MRGPRD: variants seen among roughly 807,000 people sequenced by gnomAD.
MRGPRD encodes mas-related G protein-coupled receptor member D.
For missense variants in MRGPRD, 392 were observed against 413.4 expected (o/e 0.95, Z 0.45); for synonymous variants, 185 against 183.9 (o/e 1.01, Z -0.05).
rs201878026 is a variant in MRGPRD, at chr11:68,980,533, G to A, written c.454C>T (p.Leu152Phe). ...GTCAACCCGTTCATCAGGAGACAGA[G>A]TGTCCACAGCAGGCCACACACCCAG... ...SAWVCGLLWTLCLLMNGLTSS... is the reference protein window; with the variant it reads ...SAWVCGLLWTFCLLMNGLTSS... Residue 152 changes from leucine to phenylalanine, a missense_variant, in exon 1 of 1, where the codon CTC becomes TTC. Transcript: ENST00000309106. This position sits in a 1 kb window ranked among gnomAD's most constrained non-coding sequence, Gnocchi z 4.4. The A allele has an allele frequency of 6.6e-5, 107 of 1,614,032 alleles. No homozygotes were observed. The East Asian group carries it at 2.3e-3, about 34-fold the overall frequency.
chr11:68,980,131 T>G lies in MRGPRD; in HGVS notation c.856A>C (p.Arg286=), dbSNP rs1184045612. 6.3e-7 allele frequency: 1 copy of G among 1,580,528 alleles called. No homozygotes were observed. Among genetic ancestry groups the G allele is most frequent in the Admixed American group, 2.0e-5 (1 of 50,080 alleles). The change falls in exon 1 of 1, where the codon AGG becomes CGG. Residue 286 remains arginine, a synonymous_variant. Coordinates refer to ENST00000309106, the MANE Select transcript of MRGPRD (RefSeq NM_198923.2). This position sits in a 1 kb window ranked among gnomAD's most constrained non-coding sequence, Gnocchi z 4.4. ...YFLVGSRRSH[R]LPTRSLGTVL... ...GTCCCCAGGGACCTGGTGGGCAGCC[T>G]GTGGCTCCTCCGGCTGCCCACCAGG...
In MRGPRD at chr11:68,980,150, C is replaced by A; in HGVS notation, c.837G>T (p.Val279=). Residue 279 remains valine (V), a synonymous_variant, in exon 1 of 1, where the codon GTG becomes GTT. Transcript: ENST00000309106. This position sits in a 1 kb window ranked among gnomAD's most constrained non-coding sequence, Gnocchi z 4.4. The stretch of plus-strand genomic sequence containing the variant: ...GCAGCCTGTGGCTCCTCCGGCTGCC[C>A]ACCAGGAAGTAGATGACGGGGTTGG... ...SSANPVIYFL[V]GSRRSHRLPT... The A allele has an allele frequency of 6.3e-7, 1 of 1,591,098 alleles. No individual in the cohort carries two copies. The highest frequency in any genetic ancestry group is 8.5e-7 in the Non-Finnish European group (1 of 1,172,824).
At position 68,980,957 on chromosome 11, in the gene MRGPRD, G is replaced by A. The variant is rs767375539; in HGVS notation, c.30C>T (p.Thr10=). The A allele has an allele frequency of 3.8e-6, 6 of 1,571,248 alleles. No individual in the cohort carries two copies. Among genetic ancestry groups the A allele is most frequent in the Admixed American group, 1.8e-5 (1 of 55,228 alleles). The part of the protein sequence containing the change: MNQTLNSSG[T]VESALNYSRG... ...TGGAATAGTTTAGGGCTGACTCCAC[G>A]GTCCCACTGCTATTCAAAGTCTGGT... is the stretch of plus-strand genomic sequence containing the variant. The change falls in exon 1 of 1, where the codon ACC becomes ACT. Residue 10 remains threonine, a synonymous_variant. Transcript: ENST00000309106. This position sits in a 1 kb window ranked among gnomAD's most constrained non-coding sequence, Gnocchi z 4.4.
Position 68,980,547 on chromosome 11 carries a change from C to A in MRGPRD, c.440G>T (p.Gly147Val). 1.2e-6 allele frequency: 2 copies of A among 1,613,984 alleles called. No individual in the cohort carries two copies. Among genetic ancestry groups the A allele is most frequent in the South Asian group, 2.2e-5 (2 of 91,064 alleles). ...RPRHLSAWVC[G>V]LLWTLCLLMN... is the part of the protein sequence containing the mutation. Reference sequence around the variant, plus strand: ...CAGGAGACAGAGTGTCCACAGCAGGCCACACACCCAGGCTGACAGGTGCCT... The same window carrying A: ...CAGGAGACAGAGTGTCCACAGCAGGACACACACCCAGGCTGACAGGTGCCT... Residue 147 changes from glycine (G) to valine (V), a missense_variant, in exon 1 of 1, where the codon GGC (glycine) becomes GTC (valine). Coordinates refer to ENST00000309106, the MANE Select transcript of MRGPRD (RefSeq NM_198923.2). The surrounding 1 kb of genome is among the most constrained non-coding windows in gnomAD (Gnocchi z 4.4).
rs138554199 is a variant in MRGPRD, at chr11:68,980,777, T to C, written c.210A>G (p.Ala70=). ...TGCTGAAGAGGAAGAGGAGGTCGGCTGCCGCCAGGTTGAGGATATAGATGC... is the reference window on the plus strand; with the variant it reads ...TGCTGAAGAGGAAGAGGAGGTCGGCCGCCGCCAGGTTGAGGATATAGATGC... ...PFCIYILNLA[A]ADLLFLFSMA... Residue 70 remains alanine, a synonymous_variant, in exon 1 of 1, where the codon GCA becomes GCG. Coordinates refer to ENST00000309106, the MANE Select transcript of MRGPRD (RefSeq NM_198923.2). The surrounding 1 kb of genome is among the most constrained non-coding windows in gnomAD (Gnocchi z 4.4). 2.2e-4 allele frequency: 350 copies of C among 1,613,934 alleles called. 1 individual carries two copies. The African/African-American group carries it at 4.4e-3, about 20-fold the overall frequency.
Position 68,980,466 on chromosome 11 carries a change from C to T in MRGPRD, c.521G>A (p.Arg174Gln), listed in dbSNP as rs774099681. 2.2e-5 allele frequency: 35 copies of T among 1,613,854 alleles called. No individual in the cohort carries two copies. The highest frequency in any genetic ancestry group is 2.2e-5 in the South Asian group (2 of 91,078). ...CTGGACCATGTCCACCCTGAAGCAC[C>T]GATCTTCATTGAATTTCAAGAACTT... ...CSKFLKFNEDRCFRVDMVQAA... is the reference protein window; with the variant it reads ...CSKFLKFNEDQCFRVDMVQAA... The change falls in exon 1 of 1, where the codon CGG becomes CAG. Residue 174 changes from arginine to glutamine, a missense_variant. Coordinates refer to ENST00000309106, the MANE Select transcript of MRGPRD (RefSeq NM_198923.2). This position sits in a 1 kb window ranked among gnomAD's most constrained non-coding sequence, Gnocchi z 4.4.
rs150304482 is a variant in MRGPRD at position 68,980,227 on chromosome 11, G to T, written c.760C>A (p.Gln254Lys). ...CGTGACAAGCTGAAGCACAGGACCT[G>T]CATCTCGGGCGGCAGGCTCAACCAG... ...LYWLSLPPEM[Q>K]VLCFSLSRLS... is the part of the protein sequence containing the mutation. Residue 254 changes from glutamine (Q) to lysine (K), a missense_variant, in exon 1 of 1, where the codon CAG becomes AAG. Physicochemically the swap from Gln to Lys is moderately conservative, Grantham distance 53 (BLOSUM62 1). Transcript: ENST00000309106. This position sits in a 1 kb window ranked among gnomAD's most constrained non-coding sequence, Gnocchi z 4.4. The T allele has an allele frequency of 1.9e-5, 31 of 1,611,788 alleles. No homozygotes were observed. In the East Asian group the frequency reaches 6.2e-4, roughly 32 times the overall value.
Position 68,980,968 on chromosome 11 carries a change from T to C in MRGPRD, c.19A>G (p.Ser7Gly). 2.6e-6 allele frequency: 4 copies of C among 1,556,258 alleles called. No individual in the cohort carries two copies. The highest frequency in any genetic ancestry group is 1.7e-6 in the Non-Finnish European group (2 of 1,148,706). MNQTLN[S>G]SGTVESALNY... Reference sequence around the variant, plus strand: ...AGGGCTGACTCCACGGTCCCACTGCTATTCAAAGTCTGGTTCATCCCTACG... The same window carrying C: ...AGGGCTGACTCCACGGTCCCACTGCCATTCAAAGTCTGGTTCATCCCTACG... The change falls in exon 1 of 1, where the codon AGC becomes GGC. Residue 7 changes from serine (S) to glycine (G), a missense_variant. Physicochemically the swap from Ser to Gly is moderately conservative, Grantham distance 56. Transcript: ENST00000309106. This position sits in a 1 kb window ranked among gnomAD's most constrained non-coding sequence, Gnocchi z 4.4.
Position 68,980,322 on chromosome 11 carries a change from A to T in MRGPRD, c.665T>A (p.Val222Glu). 6.2e-7 allele frequency: 1 copy of T among 1,613,862 alleles called. No individual in the cohort carries two copies. The highest frequency in any genetic ancestry group is 8.5e-7 in the Non-Finnish European group (1 of 1,179,910). The change falls in exon 1 of 1, where the codon GTG becomes GAG. Residue 222 changes from valine to glutamate, a missense_variant. By Grantham distance (121) the Val-to-Glu change is moderately radical (BLOSUM62 -2). Coordinates refer to ENST00000309106, the MANE Select transcript of MRGPRD (RefSeq NM_198923.2). This position sits in a 1 kb window ranked among gnomAD's most constrained non-coding sequence, Gnocchi z 4.4. ...WRRQPTRLFV[V>E]VLASVLVFLI... ...GAACACCAGGACAGAGGCCAGGACC[A>T]CCACGAACAGCCGTGTGGGCTGCCG...
At position 68,980,658 on chromosome 11, in the gene MRGPRD, G is replaced by A. The variant is rs766080262; in HGVS notation, c.329C>T (p.Thr110Ile). 5 of 1,614,090 alleles carry A rather than the reference G, an allele frequency of 3.1e-6. No homozygotes were observed. Among genetic ancestry groups the A allele is most frequent in the Non-Finnish European group, 4.2e-6 (5 of 1,180,028 alleles). The change falls in exon 1 of 1, where the codon ACA becomes ATA. Residue 110 changes from threonine (T) to isoleucine (I), a missense_variant. Transcript: ENST00000309106. The surrounding 1 kb of genome is among the most constrained non-coding windows in gnomAD (Gnocchi z 4.4). ...LMKRLMYFAY[T>I]VGLSLLTAIS... ...GGCCGTCAGCAGGCTCAGGCCCACTGTGTAGGCAAAGTACATCAGTCTCTT... is the reference window on the plus strand; with the variant it reads ...GGCCGTCAGCAGGCTCAGGCCCACTATGTAGGCAAAGTACATCAGTCTCTT...
rs1260902926 is a variant in MRGPRD, at chr11:68,980,327, G to A, written c.660C>T (p.Phe220=). ...QQWRRQPTRL[F]VVVLASVLVF... Reference sequence around the variant, plus strand: ...CCAGGACAGAGGCCAGGACCACCACGAACAGCCGTGTGGGCTGCCGCCGCC... The same window carrying A: ...CCAGGACAGAGGCCAGGACCACCACAAACAGCCGTGTGGGCTGCCGCCGCC... Residue 220 remains phenylalanine (F), a synonymous_variant, in exon 1 of 1, where the codon TTC becomes TTT. Transcript: ENST00000309106. This position sits in a 1 kb window ranked among gnomAD's most constrained non-coding sequence, Gnocchi z 4.4. The A allele has an allele frequency of 8.7e-6, 14 of 1,613,712 alleles. No individual in the cohort carries two copies. In the South Asian group the frequency reaches 9.9e-5, roughly 11 times the overall value.
chr11:68,980,350 G>A lies in MRGPRD; in HGVS notation c.637C>T (p.Arg213Trp), dbSNP rs544096530. 1.6e-5 allele frequency: 26 copies of A among 1,613,558 alleles called. 1 individual carries two copies. The South Asian group carries it at 1.9e-4, about 12-fold the overall frequency. ...VWVRRSSQQW[R>W]RQPTRLFVVV... ...ACGAACAGCCGTGTGGGCTGCCGCC[G>A]CCACTGCTGGGAGCTCCTCCGCACC... is the stretch of plus-strand genomic sequence containing the variant. The change falls in exon 1 of 1, where the codon CGG (arginine) becomes TGG (tryptophan). Residue 213 changes from arginine (R) to tryptophan (W), a missense_variant. Arg to Trp is a moderately radical substitution (Grantham distance 101). Coordinates refer to ENST00000309106, the MANE Select transcript of MRGPRD (RefSeq NM_198923.2). The surrounding 1 kb of genome is among the most constrained non-coding windows in gnomAD (Gnocchi z 4.4).
Position 68,980,816 on chromosome 11 carries a change from G to C in MRGPRD, c.171C>G (p.His57Gln). ...MVIWLLGFRMHRNPFCIYILN... is the reference protein window; with the variant it reads ...MVIWLLGFRMQRNPFCIYILN... The stretch of plus-strand genomic sequence containing the variant: ...GGATATAGATGCAGAAGGGGTTCCT[G>C]TGCATTCGAAAGCCCAGCAGCCAGA... Residue 57 changes from histidine to glutamine, a missense_variant, in exon 1 of 1, where the codon CAC (histidine) becomes CAG (glutamine). By Grantham distance (24) the His-to-Gln change is conservative. Transcript: ENST00000309106. This position sits in a 1 kb window ranked among gnomAD's most constrained non-coding sequence, Gnocchi z 4.4. 2 of 1,614,082 alleles carry C rather than the reference G, an allele frequency of 1.2e-6. No homozygotes were observed. Among genetic ancestry groups the C allele is most frequent in the Non-Finnish European group, 1.7e-6 (2 of 1,180,032 alleles).
Position 68,980,963 on chromosome 11 carries a change from A to G in MRGPRD, c.24T>C (p.Ser8=). 1 of 1,558,802 alleles carries G rather than the reference A, an allele frequency of 6.4e-7. No homozygotes were observed. Among genetic ancestry groups the G allele is most frequent in the East Asian group, 2.3e-5 (1 of 44,202 alleles). The change falls in exon 1 of 1, where the codon AGT becomes AGC. Residue 8 remains serine, a synonymous_variant. Transcript: ENST00000309106. This position sits in a 1 kb window ranked among gnomAD's most constrained non-coding sequence, Gnocchi z 4.4. The part of the protein sequence containing the change: MNQTLNS[S]GTVESALNYS... The stretch of plus-strand genomic sequence containing the variant: ...AGTTTAGGGCTGACTCCACGGTCCC[A>G]CTGCTATTCAAAGTCTGGTTCATCC...
In MRGPRD at chr11:68,980,841, A is replaced by G. The variant is rs1860188074; in HGVS notation, c.146T>C (p.Ile49Thr). ...LCGMAGNSMV[I>T]WLLGFRMHRN... is the part of the protein sequence containing the mutation. The stretch of plus-strand genomic sequence containing the variant: ...GTGCATTCGAAAGCCCAGCAGCCAG[A>G]TCACCATGCTGTTGCCTGCCATCCC... The change falls in exon 1 of 1, where the codon ATC (isoleucine) becomes ACC (threonine). Residue 49 changes from isoleucine to threonine, a missense_variant. Transcript: ENST00000309106. The surrounding 1 kb of genome is among the most constrained non-coding windows in gnomAD (Gnocchi z 4.4). The G allele has an allele frequency of 6.2e-7, 1 of 1,614,188 alleles. No homozygotes were observed. The highest frequency in any genetic ancestry group is 1.7e-5 in the Admixed American group (1 of 60,032).
At position 68,980,632 on chromosome 11, in the gene MRGPRD, T is replaced by C. The variant is rs1860184817; in HGVS notation, c.355A>G (p.Ile119Val). ...YTVGLSLLTA[I>V]STQRCLSVLF... The stretch of plus-strand genomic sequence containing the variant: ...ACAGAGAGACAGCGCTGGGTGCTGA[T>C]GGCCGTCAGCAGGCTCAGGCCCACT... The change falls in exon 1 of 1, where the codon ATC becomes GTC. Residue 119 changes from isoleucine (I) to valine (V), a missense_variant. Coordinates refer to ENST00000309106, the MANE Select transcript of MRGPRD (RefSeq NM_198923.2). The surrounding 1 kb of genome is among the most constrained non-coding windows in gnomAD (Gnocchi z 4.4). 1.2e-6 allele frequency: 2 copies of C among 1,614,036 alleles called. No homozygotes were observed. Among genetic ancestry groups the C allele is most frequent in the South Asian group, 1.1e-5 (1 of 91,084 alleles).
chr11:68,980,620 G>C lies in MRGPRD; in HGVS notation c.367C>G (p.Arg123Gly), dbSNP rs775523775. Residue 123 changes from arginine to glycine, a missense_variant, in exon 1 of 1, where the codon CGC becomes GGC. Physicochemically the swap from Arg to Gly is moderately radical, Grantham distance 125 (BLOSUM62 -2). Transcript: ENST00000309106. The surrounding 1 kb of genome is among the most constrained non-coding windows in gnomAD (Gnocchi z 4.4). ...LSLLTAISTQRCLSVLFPIWF... is the reference protein window; with the variant it reads ...LSLLTAISTQGCLSVLFPIWF... ...ATAGGGAAGAGGACAGAGAGACAGC[G>C]CTGGGTGCTGATGGCCGTCAGCAGG... is the stretch of plus-strand genomic sequence containing the variant. 1.1e-5 allele frequency: 17 copies of C among 1,614,028 alleles called. No homozygotes were observed. The highest frequency in any genetic ancestry group is 1.4e-5 in the Non-Finnish European group (17 of 1,180,046).
rs751338758 is a variant in MRGPRD, at chr11:68,980,870, C to T, written c.117G>A (p.Leu39=). 6.2e-7 allele frequency: 1 copy of T among 1,614,208 alleles called. No individual in the cohort carries two copies. Residue 39 remains leucine (L), a synonymous_variant, in exon 1 of 1, where the codon CTG becomes CTA. Transcript: ENST00000309106. The surrounding 1 kb of genome is among the most constrained non-coding windows in gnomAD (Gnocchi z 4.4). ...CCATGCTGTTGCCTGCCATCCCGCA[C>T]AGGCAGGTGAACATGGCCAGGGAGC... The part of the protein sequence containing the change: ...VLSSLAMFTC[L]CGMAGNSMVI...
rs755976850 is a variant in MRGPRD, at chr11:68,980,975, A to G, written c.12T>C (p.Thr4=). Residue 4 remains threonine (T), a synonymous_variant, in exon 1 of 1, where the codon ACT becomes ACC. Transcript: ENST00000309106. This position sits in a 1 kb window ranked among gnomAD's most constrained non-coding sequence, Gnocchi z 4.4. ...ACTCCACGGTCCCACTGCTATTCAA[A>G]GTCTGGTTCATCCCTACGAGAGGAA... MNQ[T]LNSSGTVESA... 8 of 1,549,736 alleles carry G rather than the reference A, an allele frequency of 5.2e-6. No homozygotes were observed. The African/African-American group carries it at 1.1e-4, about 21-fold the overall frequency.
Sources: allele counts gnomAD v4.1 joint callset, GRCh38; gene constraint gnomAD v4.1.1; non-coding constraint Gnocchi (gnomAD v3.1); transcripts MANE v1.5; gene names NCBI Gene and HGNC (gene_info 2026-07-23, HGNC 2026-07-21).